NUDT9: variants seen among roughly 807,000 people sequenced by gnomAD.
NUDT9 encodes nudix hydrolase 9, also known as ADP-ribose pyrophosphatase.
A neutral mutation model predicts 41.0 loss-of-function variants in NUDT9; 31 were observed. The ratio of observed to expected loss-of-function variants is 0.76; its 90% CI spans 0.57 to 1.02. The LOEUF is 1.02. Ranked by LOEUF, NUDT9 falls within the 50% of genes least tolerant of loss-of-function variation. The pLI is 0.00. For synonymous variants in NUDT9, 146 were observed against 147.6 expected (o/e 0.99, Z 0.08); for missense variants, 380 against 431.4 (o/e 0.88, Z 1.06).
At chr4:87,434,674 C>T (rs1394313355) in intron 1 of NUDT9, among the ~76,000 whole-genome samples, 2 of 151,458 alleles carry the variant, frequency 1.3e-5, no homozygotes, top group East Asian at 2.0e-4. Context: ...CTCCTGTTGC[C>T]CAGGTTGGAG....
Position 87,422,837 on chromosome 4 carries a change from T to G in NUDT9, c.-69T>G. Reference sequence around the variant, plus strand: ...TACCCGCGGCCGGGACTCGGAGCTGTGGGGTGTGGGGAGGCGGAGGCACCA... The same window carrying G: ...TACCCGCGGCCGGGACTCGGAGCTGGGGGGTGTGGGGAGGCGGAGGCACCA... On this transcript the variant is annotated 5_prime_UTR_variant, in exon 1 of 8. Coordinates refer to ENST00000302174, the MANE Select transcript of NUDT9 (RefSeq NM_024047.5). The G allele has an allele frequency of 5.8e-6, 7 of 1,214,778 alleles. No homozygotes were observed. The South Asian group carries it at 6.3e-5, about 11-fold the overall frequency. The allele number at this position is 1,214,778 out of a possible 1,614,324, so 75.2% of individuals were successfully genotyped here.
chr4:87,439,880 C>T (rs1312759747), intron 3 of NUDT9, among the ~76,000 whole-genome samples: 1 of 152,000 alleles, frequency 6.6e-6, no homozygotes, highest in African/African-American at 2.4e-5. Context: ...CAAATAAAAC[C>T]AAAGAAGGAT....
intron 1 of NUDT9, among the ~76,000 whole-genome samples, chr4:87,427,833 G>C (rs1285826829): frequency 3.3e-5 from 5 of 152,036 alleles, no homozygotes; most frequent in Admixed American, 3.3e-4. Flanking sequence ...TAGAGATTAG[G>C]GTTCCATATG....
At chr4:87,434,228 G>A (rs1345541833) in intron 1 of NUDT9, 1 of 152,008 alleles carries the variant, frequency 6.6e-6, no homozygotes, top group African/African-American at 2.4e-5. Context: ...TCTTTTAGTA[G>A]AGACAGGGTT....
intron 6 of NUDT9, among the ~76,000 whole-genome samples, chr4:87,451,960 TTC>T (rs34861438): frequency 0.019 from 2,821 of 152,210 alleles, 92 homozygotes; most frequent in African/African-American, 0.064. Flanking sequence ...ATATATTTAG[TTC>T]ATTTATATCA....
In NUDT9 at chr4:87,451,746, G is replaced by A. The variant is rs376802339; in HGVS notation, c.789+11G>A. 6.8e-6 allele frequency: 11 copies of A among 1,611,340 alleles called. No individual in the cohort carries two copies. The African/African-American group carries it at 9.3e-5, about 14-fold the overall frequency. ...CAAGACCACCTAGTGGTAAGAAATAGTGTTTCTGGGAGGGATTTAGTTCTG... is the reference window on the plus strand; with the variant it reads ...CAAGACCACCTAGTGGTAAGAAATAATGTTTCTGGGAGGGATTTAGTTCTG... On this transcript the variant is annotated intron_variant, in intron 6 of 7. Transcript: ENST00000302174.
chr4:87,453,697 G>C (rs1032877499), intron 6 of NUDT9, among the ~76,000 whole-genome samples: 5 of 151,596 alleles, frequency 3.3e-5, no homozygotes, highest in African/African-American at 1.2e-4. Context: ...CAAAGTGCTG[G>C]TATTACAGGC....
chr4:87,443,999 A>ATCT (rs1722334296), intron 4 of NUDT9, among the ~76,000 whole-genome samples: 1 of 152,210 alleles, frequency 6.6e-6, no homozygotes, highest in South Asian at 2.1e-4. Flanking sequence ...AGAATTAAGA[A>ATCT]GGTCAGTGAA....
chr4:87,443,636 A>C (rs989350219), intron 4 of NUDT9, among the ~76,000 whole-genome samples: 1 of 152,218 alleles, frequency 6.6e-6, no homozygotes, highest in East Asian at 1.9e-4. Flanking sequence ...GATGTGGGTC[A>C]TGACTGTGGT....
rs56729180 is a variant in NUDT9, at chr4:87,434,849, C to T, written c.108-132C>T. On this transcript the variant is annotated intron_variant, in intron 1 of 7. Coordinates refer to ENST00000302174, the MANE Select transcript of NUDT9 (RefSeq NM_024047.5). Reference sequence around the variant, plus strand: ...GGTCAGGCTGGTCTTGAACCCCTAACCTCAGGTGATCCACCTACCTCGGCC... The same window carrying T: ...GGTCAGGCTGGTCTTGAACCCCTAATCTCAGGTGATCCACCTACCTCGGCC... 2.7e-3 allele frequency: 1,872 copies of T among 706,112 alleles called. 12 individuals are homozygous for T. In the African/African-American group the frequency reaches 0.029, roughly 11 times the overall value. 43.7% of individuals were successfully genotyped at this position (706,112 alleles called of 1,614,324 possible). A position where few individuals can be genotyped will look rare whatever the true frequency, so the allele number is the denominator to read the frequency against.
chr4:87,424,558 G>A (rs780237499), intron 1 of NUDT9, among the ~76,000 whole-genome samples: 10 of 152,100 alleles, frequency 6.6e-5, no homozygotes, highest in Non-Finnish European at 1.0e-4. Flanking sequence ...CACCGCGCCC[G>A]GCCTTGGTGC....
intron 1 of NUDT9, among the ~76,000 whole-genome samples, chr4:87,424,024 G>A (rs998453977): frequency 6.6e-6 from 1 of 152,158 alleles, no homozygotes; most frequent in Non-Finnish European, 1.5e-5. Context: ...CTTAACACCA[G>A]TATTCACAGT....
chr4:87,427,086 T>A (rs1190925882), intron 1 of NUDT9, among the ~76,000 whole-genome samples: 1 of 140,926 alleles, frequency 7.1e-6, no homozygotes, highest in East Asian at 2.0e-4. Flanking sequence ...TACCAATGCA[T>A]GCCAGCCTGG....
At chr4:87,434,407 A>G (rs1721815627) in intron 1 of NUDT9, 1 of 141,670 alleles carries the variant, frequency 7.1e-6, no homozygotes, top group Admixed American at 7.7e-5. Context: ...GATAACACAC[A>G]AGTAAGTTTG....
rs140776068 is a variant in NUDT9, at chr4:87,442,330, A to G, written c.530+415A>G. On this transcript the variant is annotated intron_variant, in intron 4 of 7. Transcript: ENST00000302174. ...GGAAAGTAGGTAAAAACACGATATAAAAGATAAAAAACCATACACCTGTTT... is the reference window on the plus strand; with the variant it reads ...GGAAAGTAGGTAAAAACACGATATAGAAGATAAAAAACCATACACCTGTTT... Among the ~76,000 whole-genome samples, 1,181 of 152,276 alleles carry G rather than the reference A, an allele frequency of 7.8e-3. 9 individuals are homozygous for G. The highest frequency in any genetic ancestry group is 0.026 in the African/African-American group (1,081 of 41,552).
At chr4:87,449,972 T>C (rs945631344) in intron 5 of NUDT9, among the ~76,000 whole-genome samples, 3 of 152,000 alleles carry the variant, frequency 2.0e-5, no homozygotes, top group African/African-American at 7.2e-5. Flanking sequence ...ATGCAATTCT[T>C]GTGCCTCAGT....
At chr4:87,448,097 ATCTGCTTTTCTCT>A (rs966930326) in intron 4 of NUDT9, among the ~76,000 whole-genome samples, 3 of 151,118 alleles carry the variant, frequency 2.0e-5, no homozygotes, top group African/African-American at 7.3e-5. Context: ...GGGTCATATA[ATCTGCTTTTCTCT>A]TAGCACAGGG....
intron 7 of NUDT9, among the ~76,000 whole-genome samples, chr4:87,454,976 G>GT (rs1722923204): frequency 6.6e-6 from 1 of 152,172 alleles, no homozygotes; most frequent in East Asian, 1.9e-4. Context: ...GGTCAAACCT[G>GT]TTATTACAGA....
chr4:87,450,091 G>C (rs1214009498), intron 5 of NUDT9, among the ~76,000 whole-genome samples: 6 of 152,026 alleles, frequency 3.9e-5, no homozygotes, highest in Non-Finnish European at 7.4e-5. Flanking sequence ...TCGAACTCCT[G>C]GCCTCAAGCA....
Sources: allele counts gnomAD v4.1 joint callset (sites outside exome capture counted in the v4.1 genomes callset), GRCh38; gene constraint gnomAD v4.1.1; transcripts MANE v1.5; gene names NCBI Gene and HGNC (gene_info 2026-07-23, HGNC 2026-07-21).